CACHD1: variants seen among roughly 807,000 people sequenced by gnomAD.
CACHD1 encodes cache domain containing 1.
A neutral mutation model predicts 138.7 loss-of-function variants in CACHD1; 71 were observed. The ratio of observed to expected loss-of-function variants is 0.51; its 90% CI spans 0.42 to 0.62. CACHD1 has a LOEUF of 0.62. CACHD1 is among the 20% of genes least tolerant of loss of function. CACHD1 has a pLI of 0.00. For synonymous variants in CACHD1, 578 were observed against 591.5 expected (o/e 0.98, Z 0.33); for missense variants, 1,389 against 1,625.3 (o/e 0.85, Z 2.50).
At chr1:64,472,853 C>G (rs1646153478) in intron 1 of CACHD1, among the ~76,000 whole-genome samples, 1 of 152,006 alleles carries the variant, frequency 6.6e-6, no homozygotes, top group African/African-American at 2.4e-5. Flanking sequence ...GGATTCCCCC[C>G]TATCCCGCCC....
At chr1:64,475,999 A>G (rs1219118574) in intron 1 of CACHD1, among the ~76,000 whole-genome samples, 1 of 152,202 alleles carries the variant, frequency 6.6e-6, no homozygotes, top group African/African-American at 2.4e-5. Context: ...TTATGGGAGC[A>G]TAGAGGAGCC....
In CACHD1 at chr1:64,606,106, A is replaced by AACACACACACACAC. The variant is rs112089755; in HGVS notation, c.517+3205_517+3218dup. ...CTTTTGTTCTAGGTCAGGAGCTGTA[A>AACACACACACACAC]ACACACACACACACACACACACACG... On this transcript the variant is annotated intron_variant, in intron 4 of 26. Coordinates refer to ENST00000651257, the MANE Select transcript of CACHD1 (RefSeq NM_020925.4). Among the ~76,000 whole-genome samples, 1,480 of 148,922 alleles carry AACACACACACACAC rather than the reference A, an allele frequency of 9.9e-3. 20 individuals carry two copies. Among genetic ancestry groups the AACACACACACACAC allele is most frequent in the African/African-American group, 0.024 (984 of 40,576 alleles).
At chr1:64,627,848 A>G (rs534705133) in intron 4 of CACHD1, among the ~76,000 whole-genome samples, 3 of 152,286 alleles carry the variant, frequency 2.0e-5, no homozygotes, top group African/African-American at 7.2e-5. Flanking sequence ...TTTCTAGGCT[A>G]TACGGGGGAC....
At chr1:64,557,137 T>A (rs1024391671) in intron 2 of CACHD1, among the ~76,000 whole-genome samples, 47 of 148,646 alleles carry the variant, frequency 3.2e-4, no homozygotes, top group African/African-American at 1.0e-3. Context: ...AAAAAAAAAA[T>A]TAAGTTGTGT....
chr1:64,617,625 C>T (rs969025810), intron 4 of CACHD1, among the ~76,000 whole-genome samples: 1 of 152,150 alleles, frequency 6.6e-6, no homozygotes, highest in African/African-American at 2.4e-5. Context: ...CCCCAAGGAA[C>T]AGGCTTGGTC....
chr1:64,582,369 C>A, intron 3 of CACHD1, 65 bp downstream of exon 3: 1 of 1,403,412 alleles, frequency 7.1e-7, no homozygotes, highest in Non-Finnish European at 1.0e-6. Context: ...CATTTCATTT[C>A]ATATTCAAAA....
chr1:64,644,035 C>T (rs189180837), intron 8 of CACHD1, among the ~76,000 whole-genome samples: 1 of 152,232 alleles, frequency 6.6e-6, no homozygotes, highest in Non-Finnish European at 1.5e-5. Context: ...ATACTGTCCT[C>T]TCTCTCTTCT....
chr1:64,482,039 C>T (rs1197807370), intron 1 of CACHD1, among the ~76,000 whole-genome samples: 1 of 152,116 alleles, frequency 6.6e-6, no homozygotes, highest in East Asian at 1.9e-4. Flanking sequence ...GGAAGTATAT[C>T]ATCTCTGATA....
chr1:64,543,411 A>ATATATATATATATATATATATATATATG (rs1557484903), intron 1 of CACHD1, among the ~76,000 whole-genome samples: 1 of 144,258 alleles, frequency 6.9e-6, no homozygotes, highest in African/African-American at 2.6e-5. Flanking sequence ...ACATATATAT[A>ATATATATATATATATATATATATATATG]TATATATATA....
intron 1 of CACHD1, among the ~76,000 whole-genome samples, chr1:64,537,336 C>G (rs181247772): frequency 1.7e-3 from 255 of 152,276 alleles, no homozygotes; most frequent in Middle Eastern, 0.014. Context: ...TATTTCTTAA[C>G]TTCAGTTTAC....
chr1:64,685,540 G>A (rs762671432), intron 26 of CACHD1, among the ~76,000 whole-genome samples: 6 of 152,074 alleles, frequency 3.9e-5, no homozygotes, highest in Non-Finnish European at 8.8e-5. Flanking sequence ...TCACTTTGAA[G>A]CCTACTTCTC....
Position 64,654,786 on chromosome 1 carries a change from A to G in CACHD1, c.1765A>G (p.Ser589Gly). 1.2e-6 allele frequency: 2 copies of G among 1,611,884 alleles called. No homozygotes were observed. The highest frequency in any genetic ancestry group is 8.5e-7 in the Non-Finnish European group (1 of 1,177,962). The change falls in exon 12 of 27, where the codon AGC (serine) becomes GGC (glycine). Residue 589 changes from serine to glycine, a missense_variant. By Grantham distance (56) the Ser-to-Gly change is moderately conservative. Transcript: ENST00000651257. ...AACTGGAAAGGAAGCCTACAATGTT[A>G]GCTATGCCTGGAAGATGGTGAGTGA... ...RETGKEAYNV[S>G]YAWKMVQDTS...
intron 8 of CACHD1, among the ~76,000 whole-genome samples, chr1:64,646,262 G>C (rs971953063): frequency 4.6e-5 from 7 of 152,080 alleles, no homozygotes; most frequent in African/African-American, 1.7e-4. Context: ...TCGTGTCTTT[G>C]GTGTTAACTT....
intron 2 of CACHD1, among the ~76,000 whole-genome samples, chr1:64,557,396 A>C (rs1284797355): frequency 6.6e-6 from 1 of 152,164 alleles, no homozygotes; most frequent in Non-Finnish European, 1.5e-5. Context: ...TTACTCAATG[A>C]AATTGCAAAC....
At chr1:64,477,327 C>G (rs905025124) in intron 1 of CACHD1, among the ~76,000 whole-genome samples, 5 of 152,108 alleles carry the variant, frequency 3.3e-5, no homozygotes, top group African/African-American at 1.2e-4. Context: ...ATCCTCTGCC[C>G]CCAGGTTTTT....
intron 1 of CACHD1, among the ~76,000 whole-genome samples, chr1:64,517,928 T>C (rs1646470896): frequency 6.6e-6 from 1 of 152,192 alleles, no homozygotes; most frequent in Non-Finnish European, 1.5e-5. Flanking sequence ...GTTGTATTCC[T>C]TGGGAAACAA....
chr1:64,555,019 T>C (rs1348358528), intron 2 of CACHD1, among the ~76,000 whole-genome samples: 1 of 152,208 alleles, frequency 6.6e-6, no homozygotes, highest in Non-Finnish European at 1.5e-5. Context: ...AGATAGGGTT[T>C]TGCTCTGTCA....
chr1:64,551,992 G>A (rs1238696506), intron 2 of CACHD1, among the ~76,000 whole-genome samples: 6 of 152,090 alleles, frequency 3.9e-5, no homozygotes, highest in African/African-American at 7.2e-5. Context: ...TTTTGTGGGC[G>A]AAGATTTCTG....
Position 64,474,480 on chromosome 1 carries a change from C to T in CACHD1, c.198+3538C>T, listed in dbSNP as rs189842155. On this transcript the variant is annotated intron_variant, in intron 1 of 26. Coordinates refer to ENST00000651257, the MANE Select transcript of CACHD1 (RefSeq NM_020925.4). ...CTCTGTGGACTTAAAGGAAATAGTG[C>T]ATGTAAAGGCATCTGTTAATGTTAA... is the stretch of plus-strand genomic sequence containing the variant. Among the ~76,000 whole-genome samples, 7 of 152,264 alleles carry T rather than the reference C, an allele frequency of 4.6e-5. No individual in the cohort carries two copies. The East Asian group carries it at 1.2e-3, about 25-fold the overall frequency.
Sources: allele counts gnomAD v4.1 joint callset (sites outside exome capture counted in the v4.1 genomes callset), GRCh38; gene constraint gnomAD v4.1.1; transcripts MANE v1.5; gene names NCBI Gene and HGNC (gene_info 2026-07-23, HGNC 2026-07-21).